Variants in EPCIP observed in about 807,000 individuals in gnomAD.
EPCIP encodes the protein exosomal polycystin-1-interacting protein.
At chr21:32,811,274 G>A in the EPCIP span, among the ~76,000 whole-genome samples, 3 of 152,148 alleles carry the variant, frequency 2.0e-5, no homozygotes, top group Middle Eastern at 3.4e-3. Flanking sequence ...GGCATTATAG[G>A]TGTTGCACCA....
the EPCIP span, among the ~76,000 whole-genome samples, chr21:32,800,539 CG>C: frequency 6.6e-6 from 1 of 152,166 alleles, no homozygotes; most frequent in African/African-American, 2.4e-5. Context: ...GCACATAGGC[CG>C]GGTGTGGTGG....
At chr21:32,800,627 C>T in the EPCIP span, among the ~76,000 whole-genome samples, 1 of 152,104 alleles carries the variant, frequency 6.6e-6, no homozygotes, top group African/African-American at 2.4e-5. Flanking sequence ...ACCAGCCTGA[C>T]CAATGCGGTG....
the EPCIP span, among the ~76,000 whole-genome samples, chr21:32,809,697 A>AT: frequency 6.6e-6 from 1 of 151,872 alleles, no homozygotes; most frequent in South Asian, 2.1e-4. Flanking sequence ...TCTGGACCCC[A>AT]TTCGCCTCAT....
the EPCIP span, among the ~76,000 whole-genome samples, chr21:32,804,701 T>A: frequency 6.6e-6 from 1 of 152,154 alleles, no homozygotes; most frequent in Non-Finnish European, 1.5e-5. Context: ...AACAAAAATG[T>A]CTCTCTGCAT....
the EPCIP span, among the ~76,000 whole-genome samples, chr21:32,796,229 G>A: frequency 2.8e-4 from 42 of 152,312 alleles, no homozygotes; most frequent in East Asian, 1.7e-3. Flanking sequence ...AGCCAGGCCC[G>A]TCCTGCATGT....
the EPCIP span, chr21:32,794,036 A>G: frequency 6.2e-7 from 1 of 1,614,180 alleles, no homozygotes; most frequent in South Asian, 1.1e-5. Flanking sequence ...CTTGGCCTCC[A>G]TGTTGATGCG....
the EPCIP span, chr21:32,797,609 T>A: frequency 6.6e-6 from 1 of 152,608 alleles, no homozygotes; most frequent in Non-Finnish European, 1.5e-5. Context: ...AAGAGAGCAG[T>A]TTTTGGGCTT....
the EPCIP span, among the ~76,000 whole-genome samples, chr21:32,792,642 A>G: frequency 3.9e-5 from 6 of 152,228 alleles, no homozygotes; most frequent in African/African-American, 1.4e-4. Context: ...GAAAGGCTAG[A>G]AGTGAAGAAC....
the EPCIP span, among the ~76,000 whole-genome samples, chr21:32,794,921 T>C: frequency 6.6e-6 from 1 of 152,360 alleles, no homozygotes; most frequent in African/African-American, 2.4e-5. Flanking sequence ...TCCCCCTCAA[T>C]ATCTGACTTC....
chr21:32,794,400 A>C, the EPCIP span: 1 of 1,612,842 alleles, frequency 6.2e-7, no homozygotes, highest in Non-Finnish European at 8.5e-7. Flanking sequence ...AGAAGAAGAC[A>C]GTGCCTGGAA....
the EPCIP span, among the ~76,000 whole-genome samples, chr21:32,808,843 C>A: frequency 6.6e-6 from 1 of 152,114 alleles, no homozygotes; most frequent in Non-Finnish European, 1.5e-5. Context: ...AAACCTGAAA[C>A]TATTGCAAAA....
the EPCIP span, among the ~76,000 whole-genome samples, chr21:32,811,276 GT>G: frequency 6.6e-6 from 1 of 151,902 alleles, no homozygotes; most frequent in Non-Finnish European, 1.5e-5. Context: ...CATTATAGGT[GT>G]TGCACCACCA....
At chr21:32,809,345 C>CTTTCTT in the EPCIP span, among the ~76,000 whole-genome samples, 2 of 53,288 alleles carry the variant, frequency 3.8e-5, no homozygotes, top group African/African-American at 1.5e-4. Context: ...TCTTTCTTTC[C>CTTTCTT]TCTTTCTTTC....
chr21:32,792,772 C>G, the EPCIP span, among the ~76,000 whole-genome samples: 2 of 152,124 alleles, frequency 1.3e-5, no homozygotes, highest in Non-Finnish European at 2.9e-5. Context: ...CCCATTTGAT[C>G]CTAAGGTCTT....
chr21:32,812,187 T>A, the EPCIP span, among the ~76,000 whole-genome samples: 1 of 152,198 alleles, frequency 6.6e-6, no homozygotes, highest in East Asian at 1.9e-4. Flanking sequence ...CTTGACACAG[T>A]CCTTGAGAGA....
the EPCIP span, among the ~76,000 whole-genome samples, chr21:32,796,001 CCTCTT>C: frequency 4.6e-3 from 142 of 31,050 alleles, no homozygotes; most frequent in African/African-American, 8.2e-3. Flanking sequence ...TCCCTCCTTC[CCTCTT>C]TCCTTCCCTC....
chr21:32,810,521 A>G, the EPCIP span: 1 of 461,436 alleles, frequency 2.2e-6, no homozygotes, highest in South Asian at 1.6e-5. Flanking sequence ...TCGGCCTCCC[A>G]AACTGCTGGG....
chr21:32,794,020 G>A, the EPCIP span: 4 of 1,614,216 alleles, frequency 2.5e-6, no homozygotes, highest in Non-Finnish European at 2.5e-6. Context: ...GCTCTGGGAA[G>A]GGATGCTTGG....
the EPCIP span, among the ~76,000 whole-genome samples, chr21:32,791,826 A>G: frequency 6.6e-6 from 1 of 152,014 alleles, no homozygotes; most frequent in Non-Finnish European, 1.5e-5. Flanking sequence ...TTATGGTATC[A>G]TGAATGCAAT....
Sources: allele counts gnomAD v4.1 joint callset (sites outside exome capture counted in the v4.1 genomes callset), GRCh38; gene constraint gnomAD v4.1.1; transcripts MANE v1.5; gene names NCBI Gene and HGNC (gene_info 2026-07-23, HGNC 2026-07-21).